Variants in SLC14A2 observed in about 807,000 individuals in gnomAD.
SLC14A2 encodes the protein solute carrier family 14 member 2.
SLC14A2 carries 91 observed loss-of-function variants against 104.6 expected under a neutral mutation model. The observed-to-expected ratio is 0.87, with a 90% CI of 0.73 to 1.04. The LOEUF (loss-of-function observed/expected upper bound fraction) is 1.04. SLC14A2 is among the 50% of genes least tolerant of loss of function. The pLI is 0.00. For synonymous variants in SLC14A2, 476 were observed against 466.4 expected (o/e 1.02, Z -0.27); for missense variants, 1,189 against 1,156.0 (o/e 1.03, Z -0.41).
At chr18:45,286,450 T>A (rs1039747020) in intron 1 of SLC14A2, among the ~76,000 whole-genome samples, 10 of 152,232 alleles carry the variant, frequency 6.6e-5, no homozygotes, top group Non-Finnish European at 1.5e-4. Flanking sequence ...ATTTGTAATT[T>A]CTCATTTACA....
intron 10 of SLC14A2, chr18:45,646,698 C>T (rs930669986): frequency 2.0e-5 from 3 of 152,104 alleles, no homozygotes; most frequent in African/African-American, 7.2e-5. Context: ...CACCTCATCT[C>T]ACGAGACTGG....
intron 1 of SLC14A2, among the ~76,000 whole-genome samples, chr18:45,225,501 T>C (rs1274291206): frequency 1.3e-5 from 2 of 152,202 alleles, no homozygotes; most frequent in African/African-American, 4.8e-5. Context: ...ATATGAACTT[T>C]AAGGTAGTTT....
chr18:45,466,554 G>A (rs1194898328), intron 1 of SLC14A2, among the ~76,000 whole-genome samples: 2 of 146,926 alleles, frequency 1.4e-5, no homozygotes, highest in Non-Finnish European at 3.0e-5. Context: ...ACAGAGAGAA[G>A]ATGCATCCTA....
chr18:45,498,143 A>G (rs889991509), intron 2 of SLC14A2, among the ~76,000 whole-genome samples: 5 of 152,258 alleles, frequency 3.3e-5, no homozygotes, highest in African/African-American at 1.2e-4. Flanking sequence ...AAAGTGACAA[A>G]TATAATCTAT....
At chr18:45,450,179 A>G (rs2086835556) in intron 1 of SLC14A2, among the ~76,000 whole-genome samples, 1 of 152,230 alleles carries the variant, frequency 6.6e-6, no homozygotes, top group South Asian at 2.1e-4. Flanking sequence ...TCCAAGACAG[A>G]GTCAGACAGC....
chr18:45,546,638 G>A (rs2043974537), intron 2 of SLC14A2, among the ~76,000 whole-genome samples: 1 of 152,186 alleles, frequency 6.6e-6, no homozygotes, highest in African/African-American at 2.4e-5. Flanking sequence ...CAAAGGATTG[G>A]TTTCGAAGCC....
At chr18:45,320,136 A>T (rs1192777843) in intron 1 of SLC14A2, among the ~76,000 whole-genome samples, 1 of 152,176 alleles carries the variant, frequency 6.6e-6, no homozygotes, top group Non-Finnish European at 1.5e-5. Flanking sequence ...AAGTACTTTC[A>T]CAAGTACCAC....
chr18:45,613,331 T>C (rs2045004228), upstream of SLC14A2, among the ~76,000 whole-genome samples: 1 of 152,182 alleles, frequency 6.6e-6, no homozygotes, highest in Non-Finnish European at 1.5e-5. Flanking sequence ...CAGCAGTTTT[T>C]ATAACAGTAT....
chr18:45,180,610 A>C, the SLC14A2 span, among the ~76,000 whole-genome samples: 1 of 152,172 alleles, frequency 6.6e-6, no homozygotes, highest in Non-Finnish European at 1.5e-5. Flanking sequence ...AAAAAATCTC[A>C]GTTTATATTT....
intron 4 of SLC14A2, among the ~76,000 whole-genome samples, 199 bp from the exon 5 acceptor site, chr18:45,632,142 TGTTTGTGTG>T (rs372084025): frequency 0.53 from 61,573 of 116,062 alleles, 12,597 homozygotes; most frequent in Middle Eastern, 0.58. Context: ...TGTGTGTGTG[TGTTTGTGTG>T]TGTGTGTGTG....
intron 1 of SLC14A2, among the ~76,000 whole-genome samples, chr18:45,288,637 A>G (rs1340971046): frequency 6.6e-6 from 1 of 152,182 alleles, no homozygotes; most frequent in African/African-American, 2.4e-5. Context: ...ACCTATGGCC[A>G]TTAGGGAGCT....
intron 1 of SLC14A2, among the ~76,000 whole-genome samples, chr18:45,401,996 G>A (rs1408595884): frequency 6.6e-6 from 1 of 152,210 alleles, no homozygotes; most frequent in Non-Finnish European, 1.5e-5. Context: ...CAAGGCTTTA[G>A]AGGTGAATAT....
chr18:45,172,147 C>T, the SLC14A2 span, among the ~76,000 whole-genome samples: 1 of 152,106 alleles, frequency 6.6e-6, no homozygotes, highest in South Asian at 2.1e-4. Flanking sequence ...TACTTCACTC[C>T]TCTTTGCACT....
chr18:45,170,517 C>A, the SLC14A2 span, among the ~76,000 whole-genome samples: 1 of 152,134 alleles, frequency 6.6e-6, no homozygotes, highest in Non-Finnish European at 1.5e-5. Flanking sequence ...CAGGACCTTA[C>A]AAGACATTTC....
intron 1 of SLC14A2, among the ~76,000 whole-genome samples, chr18:45,309,748 G>A (rs974711300): frequency 2.6e-5 from 4 of 152,118 alleles, no homozygotes; most frequent in Admixed American, 1.3e-4. Context: ...TTGATTAATT[G>A]TATGAGGAAC....
chr18:45,384,237 A>G (rs2085869679), intron 1 of SLC14A2, among the ~76,000 whole-genome samples: 2 of 152,162 alleles, frequency 1.3e-5, no homozygotes, highest in South Asian at 4.1e-4. Context: ...TGAGGGGGCC[A>G]CACAGACCCT....
At chr18:45,587,135 C>T (rs746725529) in intron 2 of SLC14A2, among the ~76,000 whole-genome samples, 6 of 152,150 alleles carry the variant, frequency 3.9e-5, no homozygotes, top group Non-Finnish European at 5.9e-5. Flanking sequence ...CCACCACACC[C>T]GGCTAATTTT....
At chr18:45,368,660 T>C (rs1471030812) in intron 1 of SLC14A2, among the ~76,000 whole-genome samples, 1 of 152,098 alleles carries the variant, frequency 6.6e-6, no homozygotes, top group Non-Finnish European at 1.5e-5. Context: ...AGTGTTGAGG[T>C]CAGAGAGGAA....
intron 1 of SLC14A2, among the ~76,000 whole-genome samples, chr18:45,622,695 C>T (rs528189220): frequency 2.0e-5 from 3 of 152,214 alleles, no homozygotes; most frequent in South Asian, 2.1e-4. Flanking sequence ...GAGAGGGGAG[C>T]AGATATAACG....
Sources: allele counts gnomAD v4.1 joint callset (sites outside exome capture counted in the v4.1 genomes callset), GRCh38; gene constraint gnomAD v4.1.1; transcripts MANE v1.5; gene names NCBI Gene and HGNC (gene_info 2026-07-23, HGNC 2026-07-21).